PALMD: variants seen among roughly 807,000 people sequenced by gnomAD.
PALMD encodes the protein paralemmin-like protein.
PALMD carries 42 observed loss-of-function variants against 56.2 expected under a neutral mutation model. The observed-to-expected ratio is 0.75, with a 90% CI of 0.58 to 0.97. The LOEUF is 0.97. PALMD is among the 50% of genes least tolerant of loss of function. PALMD has a pLI of 0.00. For missense variants in PALMD, 660 were observed against 643.8 expected (o/e 1.03, Z -0.27); for synonymous variants, 242 against 222.9 (o/e 1.09, Z -0.76).
chr1:99,680,372 G>A (rs1478214316), intron 3 of PALMD, among the ~76,000 whole-genome samples: 2 of 152,224 alleles, frequency 1.3e-5, no homozygotes, highest in Middle Eastern at 6.8e-3. Context: ...GCAAGGAAAA[G>A]CAAGATTCCA....
chr1:99,658,678 G>A (rs1388573464), intron 1 of PALMD, among the ~76,000 whole-genome samples: 1 of 152,084 alleles, frequency 6.6e-6, no homozygotes, highest in Non-Finnish European at 1.5e-5. Flanking sequence ...GGCTGAGGCA[G>A]GAGAATGGCG....
At chr1:99,691,068 T>C (rs1653642332) in intron 7 of PALMD, among the ~76,000 whole-genome samples, 2 of 152,180 alleles carry the variant, frequency 1.3e-5, no homozygotes, top group Non-Finnish European at 2.9e-5. Context: ...TATACACGTA[T>C]ACAACTTCCT....
intron 7 of PALMD, among the ~76,000 whole-genome samples, chr1:99,692,771 T>G (rs1024148896): frequency 6.6e-6 from 1 of 152,198 alleles, no homozygotes. Flanking sequence ...AGTATAAACT[T>G]CATAAAGACT....
At chr1:99,671,997 A>ATT (rs371472743) in intron 3 of PALMD, among the ~76,000 whole-genome samples, 2 of 152,216 alleles carry the variant, frequency 1.3e-5, no homozygotes, top group Non-Finnish European at 1.5e-5. Context: ...CTTTTATAGC[A>ATT]TTTTTAAGTT....
intron 2 of PALMD, among the ~76,000 whole-genome samples, chr1:99,667,038 G>A (rs1416255375): frequency 6.6e-6 from 1 of 152,148 alleles, no homozygotes; most frequent in Non-Finnish European, 1.5e-5. Flanking sequence ...GAAAGAAGGG[G>A]AGCTAAGTAG....
intron 1 of PALMD, among the ~76,000 whole-genome samples, chr1:99,658,109 T>C (rs1195176526): frequency 6.6e-6 from 1 of 151,868 alleles, no homozygotes; most frequent in East Asian, 2.0e-4. Flanking sequence ...AAGATCAGCC[T>C]GGCCAACATG....
rs1330887075 is a variant in PALMD, at chr1:99,667,775, C to T, written c.251+9C>T. ...GAACAAAGTATCCTCAGGTATGGCCCTCACTGAGATACTCCACAACTACCT... is the reference window on the plus strand; with the variant it reads ...GAACAAAGTATCCTCAGGTATGGCCTTCACTGAGATACTCCACAACTACCT... On this transcript the variant is annotated intron_variant, in intron 3 of 7. Coordinates refer to ENST00000263174, the MANE Select transcript of PALMD (RefSeq NM_017734.5). 6.2e-7 allele frequency: 1 copy of T among 1,611,818 alleles called. No individual in the cohort carries two copies. The highest frequency in any genetic ancestry group is 2.2e-5 in the East Asian group (1 of 44,834).
At chr1:99,669,868 A>G (rs779632309) in intron 3 of PALMD, 1 of 152,210 alleles carries the variant, frequency 6.6e-6, no homozygotes, top group Non-Finnish European at 1.5e-5. Flanking sequence ...AAGCCATAGT[A>G]TACAGCAGGC....
chr1:99,689,206 A>T lies in PALMD; in HGVS notation c.946A>T (p.Asn316Tyr). The change falls in exon 7 of 8, where the codon AAC becomes TAC. Residue 316 changes from asparagine (N) to tyrosine (Y), a missense_variant. Transcript: ENST00000263174. ...TGGTCTTTCAGAGGAAAGGGGAAAC[A>T]ACTTCAATCACATCAGTCCCATTCC... ...GNGLSEERGN[N>Y]FNHISPIPPV... 1 of 1,613,568 alleles carries T rather than the reference A, an allele frequency of 6.2e-7. No homozygotes were observed. The highest frequency in any genetic ancestry group is 8.5e-7 in the Non-Finnish European group (1 of 1,179,750).
At chr1:99,691,750 T>C (rs748120417) in intron 7 of PALMD, among the ~76,000 whole-genome samples, 2 of 152,190 alleles carry the variant, frequency 1.3e-5, no homozygotes, top group Non-Finnish European at 2.9e-5. Flanking sequence ...CTTATGATAC[T>C]TGAAAACTCA....
In PALMD at chr1:99,689,457, C is replaced by T. The variant is rs141597626; in HGVS notation, c.1197C>T (p.Ile399=). 4.5e-5 allele frequency: 72 copies of T among 1,613,432 alleles called. 1 individual carries two copies. Among genetic ancestry groups the T allele is most frequent in the South Asian group, 2.3e-4 (21 of 91,066 alleles). Residue 399 remains isoleucine, a synonymous_variant, in exon 7 of 8, where the codon ATC becomes ATT. Coordinates refer to ENST00000263174, the MANE Select transcript of PALMD (RefSeq NM_017734.5). ...ACGAGGAAGATGTCAGATATAATAT[C>T]GTTCATTCCCTGCCTCCAGACATAA... ...QEDEEDVRYN[I]VHSLPPDIND...
chr1:99,683,844 C>T (rs960685543), intron 3 of PALMD: 3 of 152,422 alleles, frequency 2.0e-5, no homozygotes, highest in South Asian at 2.1e-4. Context: ...ACTCTCTTGG[C>T]TCTTCCTTCG....
intron 6 of PALMD, among the ~76,000 whole-genome samples, chr1:99,687,762 GTTAGGCACATA>G (rs1653541029): frequency 6.6e-6 from 1 of 152,166 alleles, no homozygotes; most frequent in Admixed American, 6.6e-5. Flanking sequence ...GCCAGGTTCA[GTTAGGCACATA>G]GTAGGTATTC....
rs1265611289 is a variant in PALMD, at chr1:99,660,952, C to T, written c.46-1367C>T. Among the ~76,000 whole-genome samples the T allele has an allele frequency of 3.3e-5, 5 of 152,146 alleles. No homozygotes were observed. The South Asian group carries it at 1.0e-3, about 31-fold the overall frequency. On this transcript the variant is annotated intron_variant, in intron 1 of 7. Coordinates refer to ENST00000263174, the MANE Select transcript of PALMD (RefSeq NM_017734.5). ...TTCTCCTTACATGCAAAGAGAAACACAGCATACAGTTGGAGAGCAATATGT... is the reference window on the plus strand; with the variant it reads ...TTCTCCTTACATGCAAAGAGAAACATAGCATACAGTTGGAGAGCAATATGT...
rs1224860403 is a variant in PALMD at position 99,689,544 on chromosome 1, A to T, written c.1284A>T (p.Glu428Asp). Reference protein sequence around the residue: ...MGYQQAEDSEEDKKFLTGYDG... With the variant: ...MGYQQAEDSEDDKKFLTGYDG... The stretch of plus-strand genomic sequence containing the variant: ...ATCAGCAGGCAGAAGACAGTGAAGA[A>T]GATAAGAAGTTTCTGACAGGATATG... The change falls in exon 7 of 8, where the codon GAA becomes GAT. Residue 428 changes from glutamate (E) to aspartate (D), a missense_variant. Glu to Asp is a conservative substitution (Grantham distance 45). Transcript: ENST00000263174. 4 of 1,613,810 alleles carry T rather than the reference A, an allele frequency of 2.5e-6. No individual in the cohort carries two copies. The highest frequency in any genetic ancestry group is 3.4e-6 in the Non-Finnish European group (4 of 1,179,838).
At chr1:99,649,063 A>G (rs1652509427) in intron 1 of PALMD, among the ~76,000 whole-genome samples, 1 of 152,196 alleles carries the variant, frequency 6.6e-6, no homozygotes, top group Non-Finnish European at 1.5e-5. Flanking sequence ...TAAGAGCAAA[A>G]TTATGAAAGT....
At chr1:99,660,811 A>G (rs993244243) in intron 1 of PALMD, among the ~76,000 whole-genome samples, 3 of 152,184 alleles carry the variant, frequency 2.0e-5, no homozygotes, top group Non-Finnish European at 4.4e-5. Context: ...GTTTGAGCCC[A>G]GGATGTCAAG....
intron 3 of PALMD, among the ~76,000 whole-genome samples, chr1:99,671,620 A>G (rs1374071195): frequency 6.6e-6 from 1 of 152,178 alleles, no homozygotes; most frequent in Non-Finnish European, 1.5e-5. Context: ...TCTTGGAGTA[A>G]ACTGAGAATA....
chr1:99,673,299 A>C (rs1043942050), intron 3 of PALMD, among the ~76,000 whole-genome samples: 4 of 152,164 alleles, frequency 2.6e-5, no homozygotes, highest in African/African-American at 4.8e-5. Context: ...CCCCTACTTA[A>C]TGCTTTTAAC....
Sources: allele counts gnomAD v4.1 joint callset (sites outside exome capture counted in the v4.1 genomes callset), GRCh38; gene constraint gnomAD v4.1.1; transcripts MANE v1.5; gene names NCBI Gene and HGNC (gene_info 2026-07-23, HGNC 2026-07-21).